MFAP5: variants seen among roughly 807,000 people sequenced by gnomAD.
The protein encoded by MFAP5 is microfibrillar-associated protein 5.
Under a neutral mutation model 30.1 loss-of-function variants are expected in MFAP5, and 19 were observed. The observed-to-expected ratio is 0.63, with a 90% CI of 0.44 to 0.93. The LOEUF (loss-of-function observed/expected upper bound fraction) is 0.93, where lower values mean the gene tolerates loss of function less well. Among genes scored for constraint, MFAP5 ranks in the 40% least tolerant of loss-of-function variants. The pLI is 0.00. For synonymous variants in MFAP5, 92 were observed against 72.9 expected (o/e 1.26, Z -1.33); for missense variants, 210 against 221.3 (o/e 0.95, Z 0.32).
Position 8,647,984 on chromosome 12 carries a change from T to C in MFAP5, c.*107A>G. 8 of 735,442 alleles carry C rather than the reference T, an allele frequency of 1.1e-5. No homozygotes were observed. Among genetic ancestry groups the C allele is most frequent in the Non-Finnish European group, 2.2e-6 (1 of 456,856 alleles). 45.6% of individuals were successfully genotyped at this position (735,442 alleles called of 1,614,324 possible). On this transcript the variant is annotated 3_prime_UTR_variant, in exon 10 of 10. Transcript: ENST00000359478. Reference sequence around the variant, plus strand: ...GTAAAAGCTGGACATTGCAAAAGGATTGGTTTAAGAAATACTGTCTAAGGG... The same window carrying C: ...GTAAAAGCTGGACATTGCAAAAGGACTGGTTTAAGAAATACTGTCTAAGGG...
At chr12:8,658,585 CT>C (rs1942067503) in intron 3 of MFAP5, 1 of 152,130 alleles carries the variant, frequency 6.6e-6, no homozygotes, top group Non-Finnish European at 1.5e-5. Context: ...TAGCCCAATC[CT>C]TCCTGGTTCC....
At chr12:8,658,931 A>G (rs1385979791) in intron 3 of MFAP5, among the ~76,000 whole-genome samples, 1 of 151,292 alleles carries the variant, frequency 6.6e-6, no homozygotes, top group Non-Finnish European at 1.5e-5. Context: ...CCTGGGCTCA[A>G]GCGATCCTTT....
intron 6 of MFAP5, among the ~76,000 whole-genome samples, chr12:8,653,370 G>A (rs1056675956): frequency 2.0e-5 from 3 of 152,022 alleles, no homozygotes; most frequent in African/African-American, 7.2e-5. Flanking sequence ...GATCAATCAC[G>A]GTCAAATCAG....
intron 8 of MFAP5, among the ~76,000 whole-genome samples, chr12:8,650,189 A>G (rs1941795268): frequency 6.6e-6 from 1 of 152,158 alleles, no homozygotes; most frequent in African/African-American, 2.4e-5. Flanking sequence ...TTTCTACCTT[A>G]GAGCTGGGCC....
At chr12:8,656,419 T>A (rs1164596166) in intron 3 of MFAP5, among the ~76,000 whole-genome samples, 1 of 148,244 alleles carries the variant, frequency 6.7e-6, no homozygotes, top group Non-Finnish European at 1.5e-5. Flanking sequence ...AGTATTGATT[T>A]TTTTTTTTTT....
chr12:8,659,095 G>A (rs1942079725), intron 3 of MFAP5, among the ~76,000 whole-genome samples: 1 of 151,170 alleles, frequency 6.6e-6, no homozygotes, highest in South Asian at 2.1e-4. Flanking sequence ...GATCATCTGA[G>A]GTCAGGAGTT....
chr12:8,652,039 G>A (rs1941852532), intron 6 of MFAP5, among the ~76,000 whole-genome samples: 1 of 152,186 alleles, frequency 6.6e-6, no homozygotes, highest in African/African-American at 2.4e-5. Flanking sequence ...CTAGAGCTAA[G>A]CAGAGAAAAG....
At chr12:8,655,251 A>G (rs1172468295) in intron 5 of MFAP5, among the ~76,000 whole-genome samples, 164 bp downstream of exon 5, 1 of 152,196 alleles carries the variant, frequency 6.6e-6, no homozygotes, top group East Asian at 1.9e-4. Flanking sequence ...GTGCCACTGC[A>G]CTCCAGCCTG....
chr12:8,648,947 A>G (rs760044148), intron 9 of MFAP5, among the ~76,000 whole-genome samples: 1 of 152,308 alleles, frequency 6.6e-6, no homozygotes, highest in African/African-American at 2.4e-5. Context: ...GCCCCATAAC[A>G]TCTTTCTACC....
chr12:8,656,059 CTTTTTTT>C (rs11359613), intron 3 of MFAP5, among the ~76,000 whole-genome samples: 1 of 113,888 alleles, frequency 8.8e-6, no homozygotes, highest in African/African-American at 3.3e-5. Context: ...ATTCATAATT[CTTTTTTT>C]TTTTTTTTTT....
intron 5 of MFAP5, 86 bp from the exon 6 acceptor site, chr12:8,654,567 G>A (rs1390124516): frequency 2.9e-5 from 36 of 1,257,716 alleles, no homozygotes; most frequent in Middle Eastern, 1.8e-4. Context: ...TGGAGATACC[G>A]TGGCAGGTGG....
intron 5 of MFAP5, 101 bp from the exon 6 acceptor site, chr12:8,654,582 C>A (rs1047002204): frequency 6.6e-5 from 72 of 1,090,960 alleles, no homozygotes; most frequent in Admixed American, 5.5e-4. Context: ...AGGTGGAAGA[C>A]TATGTCTGGC....
chr12:8,649,402 C>A, intron 9 of MFAP5, 99 bp downstream of exon 9: 1 of 1,060,972 alleles, frequency 9.4e-7, no homozygotes. Context: ...TAGCCTGAAG[C>A]CCTCCTCTAG....
chr12:8,659,670 CA>C (rs906136511), intron 3 of MFAP5, among the ~76,000 whole-genome samples: 2 of 151,906 alleles, frequency 1.3e-5, no homozygotes, highest in Non-Finnish European at 2.9e-5. Context: ...TTACCAACAA[CA>C]GAAAAAAAAT....
chr12:8,655,021 C>T (rs562030997), intron 5 of MFAP5, among the ~76,000 whole-genome samples: 166 of 151,824 alleles, frequency 1.1e-3, no homozygotes, highest in Non-Finnish European at 1.9e-3. Flanking sequence ...GCAGGCTGGA[C>T]GCTGTGGCTC....
At chr12:8,659,739 G>T (rs1363398899) in intron 3 of MFAP5, among the ~76,000 whole-genome samples, 1 of 151,906 alleles carries the variant, frequency 6.6e-6, no homozygotes, top group East Asian at 1.9e-4. Flanking sequence ...ACTGTACCCT[G>T]GTATATACAT....
rs1941678591 is a variant in MFAP5, at chr12:8,646,280, T to A, written c.*1811A>T. On this transcript the variant is annotated 3_prime_UTR_variant, in exon 10 of 10. Coordinates refer to ENST00000359478, the MANE Select transcript of MFAP5 (RefSeq NM_003480.4). The stretch of plus-strand genomic sequence containing the variant: ...TTGTACAGATCCCATTAAACGAAAT[T>A]GTTTCTTAACAGCAAGAATCTGATC... The A allele has an allele frequency of 2.6e-5, 4 of 152,230 alleles. No homozygotes were observed. In the South Asian group the frequency reaches 8.3e-4, roughly 31 times the overall value. 9.4% of individuals were successfully genotyped at this position (152,230 alleles called of 1,614,324 possible). A position where few individuals can be genotyped will look rare whatever the true frequency, so the allele number is the denominator to read the frequency against.
At chr12:8,662,153 A>G (rs1942172421) in intron 1 of MFAP5, 47 bp from the exon 2 acceptor site, 1 of 1,542,718 alleles carries the variant, frequency 6.5e-7, no homozygotes, top group Admixed American at 1.7e-5. Context: ...TCAGAGGCAC[A>G]TCAGCATTTC....
At chr12:8,650,073 C>T (rs1941792064) in intron 8 of MFAP5, among the ~76,000 whole-genome samples, 1 of 152,158 alleles carries the variant, frequency 6.6e-6, no homozygotes, top group Non-Finnish European at 1.5e-5. Flanking sequence ...GAATAATGAC[C>T]TCCAGCTCCA....
Sources: gnomAD v4.1 joint callset for allele counts (sites outside exome capture counted in the v4.1 genomes callset) on GRCh38, gnomAD v4.1.1 for gene constraint, MANE v1.5 for transcripts, NCBI Gene and HGNC (gene_info 2026-07-23, HGNC 2026-07-21) for gene names.